Variants in SORCS2 observed in about 807,000 individuals in gnomAD.
SORCS2 encodes sortilin related VPS10 domain containing receptor 2.
SORCS2 carries 100 observed loss-of-function variants against 141.6 expected under a neutral mutation model. That is an observed-to-expected ratio of 0.71 (90% CI 0.60 to 0.83). SORCS2 has a LOEUF of 0.83. Ranked by LOEUF, SORCS2 falls within the 40% of genes least tolerant of loss-of-function variation. SORCS2 has a pLI of 0.00. For synonymous variants in SORCS2, 789 were observed against 676.9 expected (o/e 1.17, Z -2.57); for missense variants, 1,646 against 1,560.2 (o/e 1.05, Z -0.93).
intron 1 of SORCS2, among the ~76,000 whole-genome samples, chr4:7,297,158 A>G (rs1033292759): frequency 1.1e-4 from 16 of 152,182 alleles, no homozygotes; most frequent in Admixed American, 7.2e-4. Context: ...CATTAGGTGG[A>G]GGGGGCTGGG....
At chr4:7,210,585 C>T (rs551671011) in intron 1 of SORCS2, among the ~76,000 whole-genome samples, 14 of 152,248 alleles carry the variant, frequency 9.2e-5, no homozygotes, top group African/African-American at 2.2e-4. Flanking sequence ...CTGGATCAAA[C>T]GCTTGACCTT....
intron 4 of SORCS2, among the ~76,000 whole-genome samples, chr4:7,651,711 C>T (rs1355113923): frequency 6.6e-6 from 1 of 152,164 alleles, no homozygotes; most frequent in Non-Finnish European, 1.5e-5. Context: ...GTAGCTTTTT[C>T]CCTCCGCACC....
At chr4:7,589,954 G>A (rs1301243271) in intron 3 of SORCS2, among the ~76,000 whole-genome samples, 1 of 152,232 alleles carries the variant, frequency 6.6e-6, no homozygotes, top group Non-Finnish European at 1.5e-5. Flanking sequence ...CCATGTGACT[G>A]CCTGGGGCAC....
At chr4:7,294,682 TCCTCCC>T (rs1350071444) in intron 1 of SORCS2, among the ~76,000 whole-genome samples, 1 of 86,802 alleles carries the variant, frequency 1.2e-5, no homozygotes, top group African/African-American at 4.6e-5. Context: ...CTCCTCCTCC[TCCTCCC>T]CCTCATCCTC....
chr4:7,247,334 T>C (rs1713167028), intron 1 of SORCS2, among the ~76,000 whole-genome samples: 1 of 152,190 alleles, frequency 6.6e-6, no homozygotes, highest in Non-Finnish European at 1.5e-5. Flanking sequence ...ATTGGAGGCT[T>C]TACTGTTTCT....
chr4:7,671,744 G>C (rs1168609355), intron 8 of SORCS2, among the ~76,000 whole-genome samples: 2 of 152,086 alleles, frequency 1.3e-5, no homozygotes, highest in East Asian at 3.9e-4. Context: ...ACATATGATT[G>C]TGGGAGTCCC....
chr4:7,680,667 T>C (rs1723471426), intron 9 of SORCS2, among the ~76,000 whole-genome samples: 1 of 152,212 alleles, frequency 6.6e-6, no homozygotes, highest in African/African-American at 2.4e-5. Flanking sequence ...ATTTGCCACA[T>C]GTATGGCGTT....
chr4:7,368,770 A>T lies in SORCS2; in HGVS notation c.481-27518A>T, dbSNP rs553539758. 1.2e-3 allele frequency among the ~76,000 whole-genome samples: 187 copies of T among 152,164 alleles called. 1 individual carries two copies. Among genetic ancestry groups the T allele is most frequent in the Non-Finnish European group, 2.2e-3 (153 of 68,030 alleles). On this transcript the variant is annotated intron_variant, in intron 1 of 26. Transcript: ENST00000507866. ...TGTGGTTTGGCTGTGTCCCCACCCA[A>T]ATCTCATCTTGAATGGGAACTTCCA...
At chr4:7,219,663 C>G (rs942853966) in intron 1 of SORCS2, among the ~76,000 whole-genome samples, 1 of 152,138 alleles carries the variant, frequency 6.6e-6, no homozygotes, top group African/African-American at 2.4e-5. Context: ...CTCACTAATC[C>G]GAGAATAGCA....
At chr4:7,349,159 G>A (rs965301072) in intron 1 of SORCS2, among the ~76,000 whole-genome samples, 3 of 152,116 alleles carry the variant, frequency 2.0e-5, no homozygotes, top group African/African-American at 4.8e-5. Flanking sequence ...TGGAGTGGGC[G>A]CTGTGTCTAC....
chr4:7,394,738 G>A (rs1203487115), intron 1 of SORCS2, among the ~76,000 whole-genome samples: 1 of 152,050 alleles, frequency 6.6e-6, no homozygotes, highest in African/African-American at 2.4e-5. Flanking sequence ...TCACAGCAGG[G>A]TGCGCCCCAA....
chr4:7,384,509 C>T (rs894829449), intron 1 of SORCS2, among the ~76,000 whole-genome samples: 8 of 152,166 alleles, frequency 5.3e-5, no homozygotes, highest in African/African-American at 1.4e-4. Context: ...GGTGCGTACA[C>T]GGGGCCCTGC....
At chr4:7,211,588 G>C (rs910316533) in intron 1 of SORCS2, among the ~76,000 whole-genome samples, 1 of 152,150 alleles carries the variant, frequency 6.6e-6, no homozygotes, top group Non-Finnish European at 1.5e-5. Context: ...GGCCAGGCTG[G>C]TCTCGAACTC....
intron 1 of SORCS2, among the ~76,000 whole-genome samples, chr4:7,373,600 C>G (rs538440061): frequency 0.012 from 1,752 of 145,998 alleles, 18 homozygotes; most frequent in African/African-American, 0.022. Context: ...TCAAGTGATT[C>G]TCCTGCCTCA....
intron 2 of SORCS2, among the ~76,000 whole-genome samples, chr4:7,423,501 A>C (rs1435566747): frequency 6.6e-6 from 1 of 152,142 alleles, no homozygotes; most frequent in Non-Finnish European, 1.5e-5. Context: ...TGGAGGCTCG[A>C]ACTCCTGGCC....
At chr4:7,357,508 G>A (rs1332909065) in intron 1 of SORCS2, among the ~76,000 whole-genome samples, 2 of 152,196 alleles carry the variant, frequency 1.3e-5, no homozygotes, top group Non-Finnish European at 2.9e-5. Flanking sequence ...CTAAGTTTCC[G>A]GAGGCGTTGA....
chr4:7,490,894 T>C (rs954549084), intron 2 of SORCS2, among the ~76,000 whole-genome samples: 3 of 152,040 alleles, frequency 2.0e-5, no homozygotes, highest in African/African-American at 7.2e-5. Flanking sequence ...TGCCTTAGCC[T>C]CCAGACCACC....
At chr4:7,618,522 G>T (rs1340441247) in intron 3 of SORCS2, among the ~76,000 whole-genome samples, 1 of 152,144 alleles carries the variant, frequency 6.6e-6, no homozygotes, top group African/African-American at 2.4e-5. Flanking sequence ...CACTCTGCCT[G>T]CCTCTCCGCC....
chr4:7,733,209 C>T, intron 23 of SORCS2, 113 bp from the exon 24 acceptor site: 2 of 612,044 alleles, frequency 3.3e-6, no homozygotes, highest in East Asian at 3.3e-5. Flanking sequence ...AGAAGACCCC[C>T]CCAACACGTG....
Sources: gnomAD v4.1 joint callset for allele counts (sites outside exome capture counted in the v4.1 genomes callset) on GRCh38, gnomAD v4.1.1 for gene constraint, MANE v1.5 for transcripts, NCBI Gene and HGNC (gene_info 2026-07-23, HGNC 2026-07-21) for gene names.